MLIP: variants seen among roughly 807,000 people sequenced by gnomAD.
MLIP encodes the protein muscular LMNA interacting protein, also known as muscular LMNA-interacting protein.
A neutral mutation model predicts 84.8 loss-of-function variants in MLIP; 79 were observed. The ratio of observed to expected loss-of-function variants is 0.93; its 90% CI spans 0.78 to 1.12. The LOEUF is 1.12. Among genes scored for constraint, MLIP ranks in the 50% most tolerant of loss-of-function variants. The probability of loss-of-function intolerance (pLI) is 0.00; values close to 1 mark genes in which losing one functional copy is unlikely to be tolerated. For missense variants in MLIP, 1,257 were observed against 1,160.6 expected, an observed-to-expected ratio of 1.08 and a Z score of -1.21; for synonymous variants, 504 against 463.0, an observed-to-expected ratio of 1.09 and a Z score of -1.14.
chr6:54,124,676 T>C lies in MLIP; in HGVS notation c.456T>C (p.Ala152=). The change falls in exon 3 of 14, where the codon GCT becomes GCC. Residue 152 remains alanine (A), a synonymous_variant. Coordinates refer to ENST00000502396, the MANE Select transcript of MLIP (RefSeq NM_001281747.2). ...LIVDSEGEDE[A]ASRKVEQGPP... is the part of the protein sequence containing the mutation. ...TGGACTCCGAAGGGGAAGATGAGGCTGCAAGCAGAAAAGTTGAACAAGGCC... is the reference window on the plus strand; with the variant it reads ...TGGACTCCGAAGGGGAAGATGAGGCCGCAAGCAGAAAAGTTGAACAAGGCC... The C allele has an allele frequency of 1.2e-6, 2 of 1,614,222 alleles. No homozygotes were observed. Among genetic ancestry groups the C allele is most frequent in the Non-Finnish European group, 1.7e-6 (2 of 1,180,030 alleles).
intron 11 of MLIP, among the ~76,000 whole-genome samples, chr6:54,226,428 G>A (rs939927250): frequency 1.3e-5 from 2 of 152,182 alleles, no homozygotes; most frequent in Non-Finnish European, 2.9e-5. Context: ...AATACAAAGA[G>A]GAAAGCTCTC....
In MLIP at chr6:54,175,327, C is replaced by T. The variant is rs560592365; in HGVS notation, c.2544+5755C>T. Among the ~76,000 whole-genome samples, 13 of 151,938 alleles carry T rather than the reference C, an allele frequency of 8.6e-5. No homozygotes were observed. The South Asian group carries it at 2.7e-3, about 32-fold the overall frequency. On this transcript the variant is annotated intron_variant, in intron 9 of 13. Transcript: ENST00000502396. ...TAGGAATTGCTTTGAATCTGTAGTA[C>T]TTTGGGTAGTATGGACATTATAACA...
chr6:54,116,722 G>A (rs577497836), intron 1 of MLIP, among the ~76,000 whole-genome samples: 5 of 152,238 alleles, frequency 3.3e-5, no homozygotes, highest in African/African-American at 1.2e-4. Context: ...AAGGAGGAAG[G>A]AATACTTCCA....
At chr6:54,144,167 A>G (rs1327440141) in intron 4 of MLIP, among the ~76,000 whole-genome samples, 8 of 152,178 alleles carry the variant, frequency 5.3e-5, no homozygotes, top group Non-Finnish European at 8.8e-5. Context: ...GGCAATCCCT[A>G]TGAACGGGAT....
At chr6:54,217,025 T>C (rs1779902133) in intron 11 of MLIP, 1 of 985,392 alleles carries the variant, frequency 1.0e-6, no homozygotes, top group South Asian at 4.7e-5. Context: ...CTGCTGTAAG[T>C]TCTAGACAGC....
rs1781996857 is a variant in MLIP, at chr6:54,245,212, G to A, written c.2923-12096G>A. Among the ~76,000 whole-genome samples, 4 of 152,242 alleles carry A rather than the reference G, an allele frequency of 2.6e-5. No homozygotes were observed. The South Asian group carries it at 8.3e-4, about 32-fold the overall frequency. ...CTTAAAAGCAGATCCTGAGACAGCG[G>A]TTCAGATATTGGTGATTTATTGAGG... On this transcript the variant is annotated intron_variant, in intron 12 of 13. Coordinates refer to ENST00000502396, the MANE Select transcript of MLIP (RefSeq NM_001281747.2).
At chr6:54,211,399 T>C (rs1341715110) in intron 11 of MLIP, among the ~76,000 whole-genome samples, 2 of 152,188 alleles carry the variant, frequency 1.3e-5, no homozygotes, top group African/African-American at 2.4e-5. Context: ...GGTTGAAGAC[T>C]GGCCCATTGC....
intron 4 of MLIP, among the ~76,000 whole-genome samples, chr6:54,140,167 C>A (rs530840045): frequency 1.3e-5 from 2 of 152,182 alleles, no homozygotes; most frequent in East Asian, 3.9e-4. Flanking sequence ...AACCATGATG[C>A]CATATACTTA....
At chr6:54,212,714 C>T (rs1365866601) in intron 11 of MLIP, among the ~76,000 whole-genome samples, 2 of 152,082 alleles carry the variant, frequency 1.3e-5, no homozygotes, top group Admixed American at 6.5e-5. Context: ...TCATTATGTC[C>T]CTTTGAATGA....
chr6:54,188,301 A>G (rs1387483989), intron 9 of MLIP, among the ~76,000 whole-genome samples: 1 of 152,156 alleles, frequency 6.6e-6, no homozygotes, highest in Non-Finnish European at 1.5e-5. Flanking sequence ...ACCTTAGCTT[A>G]CTGTAGGTTT....
intron 1 of MLIP, among the ~76,000 whole-genome samples, chr6:54,030,450 TAAG>T (rs966885420): frequency 5.9e-5 from 9 of 152,114 alleles, no homozygotes; most frequent in African/African-American, 2.2e-4. Context: ...AGAATATAGG[TAAG>T]AAGAAGGAGA....
intron 13 of MLIP, among the ~76,000 whole-genome samples, chr6:54,261,101 G>A (rs983777463): frequency 3.9e-5 from 6 of 151,992 alleles, no homozygotes; most frequent in Non-Finnish European, 7.4e-5. Context: ...GAGCATACTC[G>A]TTGACTAAGA....
At chr6:54,207,419 C>G (rs1226655240) in intron 11 of MLIP, among the ~76,000 whole-genome samples, 2 of 142,624 alleles carry the variant, frequency 1.4e-5, no homozygotes, top group South Asian at 2.6e-4. Flanking sequence ...ACCCCCCCCC[C>G]CTTTTTTGAC....
intron 13 of MLIP, among the ~76,000 whole-genome samples, chr6:54,262,766 G>C (rs1050557605): frequency 6.6e-6 from 1 of 152,006 alleles, no homozygotes. Flanking sequence ...TTACAATGAT[G>C]AGTTTTCTAA....
chr6:54,221,856 T>TA (rs1166032329), intron 11 of MLIP, among the ~76,000 whole-genome samples: 14 of 152,034 alleles, frequency 9.2e-5, no homozygotes, highest in African/African-American at 3.1e-4. Flanking sequence ...TACATTAAGC[T>TA]AAAAAAGAAA....
At chr6:54,262,745 G>A (rs1335006125) in intron 13 of MLIP, among the ~76,000 whole-genome samples, 1 of 152,012 alleles carries the variant, frequency 6.6e-6, no homozygotes, top group Admixed American at 6.6e-5. Flanking sequence ...TTCAAAGAGA[G>A]GAGAAAGTAC....
At chr6:54,100,156 C>T (rs1195985609) in intron 1 of MLIP, among the ~76,000 whole-genome samples, 6 of 152,050 alleles carry the variant, frequency 3.9e-5, no homozygotes, top group South Asian at 4.1e-4. Context: ...ATGTTGGAGA[C>T]GTCCCATGTA....
chr6:54,021,276 T>C (rs1444925584), intron 1 of MLIP, among the ~76,000 whole-genome samples: 1 of 152,170 alleles, frequency 6.6e-6, no homozygotes, highest in African/African-American at 2.4e-5. Context: ...GTCTGGTTTT[T>C]AAAAGAAGAA....
chr6:54,191,683 A>G (rs1777933385), intron 10 of MLIP, among the ~76,000 whole-genome samples: 1 of 152,182 alleles, frequency 6.6e-6, no homozygotes, highest in African/African-American at 2.4e-5. Flanking sequence ...TTACTAACAC[A>G]GTGAAGTTGA....
Sources: gnomAD v4.1 joint callset for allele counts (sites outside exome capture counted in the v4.1 genomes callset) on GRCh38, gnomAD v4.1.1 for gene constraint, MANE v1.5 for transcripts, NCBI Gene and HGNC (gene_info 2026-07-23, HGNC 2026-07-21) for gene names.